Variants in DLG2 observed in about 807,000 individuals in gnomAD.
DLG2 encodes discs large MAGUK scaffold protein 2.
DLG2 carries 45 observed loss-of-function variants against 132.5 expected under a neutral mutation model. That is an observed-to-expected ratio of 0.34 (90% CI 0.27 to 0.44). The LOEUF is 0.44. Among genes scored for constraint, DLG2 ranks in the 20% least tolerant of loss-of-function variants. The pLI, the probability that DLG2 is intolerant of heterozygous loss-of-function variation, is 1.00. For missense variants in DLG2, 1,045 were observed against 1,196.9 expected (o/e 0.87, Z 1.87); for synonymous variants, 424 against 419.6 (o/e 1.01, Z -0.13).
chr11:85,572,296 TATA>T (rs1018624952), intron 3 of DLG2, among the ~76,000 whole-genome samples: 1 of 152,146 alleles, frequency 6.6e-6, no homozygotes, highest in African/African-American at 2.4e-5. Context: ...CATGGAAAAT[TATA>T]ATAACTATTG....
At chr11:84,338,595 C>G (rs933564784) in intron 7 of DLG2, among the ~76,000 whole-genome samples, 4 of 152,026 alleles carry the variant, frequency 2.6e-5, no homozygotes, top group Admixed American at 1.3e-4. Context: ...GAGGCCAAGG[C>G]GGGAGTATCA....
intron 3 of DLG2, among the ~76,000 whole-genome samples, chr11:85,396,970 T>C (rs546134463): frequency 3.9e-5 from 6 of 152,168 alleles, no homozygotes; most frequent in Non-Finnish European, 5.9e-5. Flanking sequence ...CCAAGACATA[T>C]AATTGTCAGA....
At chr11:85,085,458 T>A (rs2067793158) in intron 6 of DLG2, among the ~76,000 whole-genome samples, 1 of 152,122 alleles carries the variant, frequency 6.6e-6, no homozygotes, top group African/African-American at 2.4e-5. Flanking sequence ...GTTCATTATC[T>A]TTGTGTGTTT....
At chr11:84,125,817 A>C (rs1370022144) in intron 9 of DLG2, among the ~76,000 whole-genome samples, 1 of 152,226 alleles carries the variant, frequency 6.6e-6, no homozygotes, top group Non-Finnish European at 1.5e-5. Context: ...AGCCCTGATA[A>C]GAAATTTGAA....
At chr11:84,571,168 T>C (rs544822972) in intron 6 of DLG2, among the ~76,000 whole-genome samples, 1 of 152,264 alleles carries the variant, frequency 6.6e-6, no homozygotes, top group South Asian at 2.1e-4. Context: ...CTAAGAGGTA[T>C]GCTGTTTCTT....
intron 4 of DLG2, among the ~76,000 whole-genome samples, chr11:85,238,752 T>C (rs1021811160): frequency 6.6e-6 from 1 of 152,028 alleles, no homozygotes; most frequent in Non-Finnish European, 1.5e-5. Flanking sequence ...TTCAATAAGA[T>C]AGAAAAAAGT....
At chr11:84,984,720 A>C (rs896711498) in intron 6 of DLG2, among the ~76,000 whole-genome samples, 1 of 152,208 alleles carries the variant, frequency 6.6e-6, no homozygotes, top group African/African-American at 2.4e-5. Flanking sequence ...ATAAGAATTC[A>C]TTCTCTGCTG....
chr11:84,444,969 A>C (rs2099029096), intron 7 of DLG2, among the ~76,000 whole-genome samples: 1 of 152,022 alleles, frequency 6.6e-6, no homozygotes, highest in African/African-American at 2.4e-5. Flanking sequence ...CGCCGAGCTA[A>C]TTTTTGTATT....
intron 7 of DLG2, among the ~76,000 whole-genome samples, chr11:84,454,538 C>T: frequency 6.6e-6 from 1 of 151,010 alleles, no homozygotes; most frequent in Non-Finnish European, 1.5e-5. Flanking sequence ...AAAATTATAC[C>T]CAAATTTTAT....
intron 19 of DLG2, among the ~76,000 whole-genome samples, chr11:83,562,293 A>G (rs995683679): frequency 1.7e-4 from 26 of 152,182 alleles, no homozygotes; most frequent in African/African-American, 5.8e-4. Flanking sequence ...CTTAGAATCA[A>G]CACAAGCTTT....
At chr11:85,446,907 A>G (rs916907671) in intron 3 of DLG2, among the ~76,000 whole-genome samples, 2 of 152,158 alleles carry the variant, frequency 1.3e-5, no homozygotes, top group African/African-American at 4.8e-5. Context: ...AAAGCTTTGT[A>G]TATCAAAGAC....
At position 85,528,028 on chromosome 11, in the gene DLG2, ATTGT is replaced by A. The variant is rs200984786; in HGVS notation, c.40+70625_40+70628del. Among the ~76,000 whole-genome samples the A allele has an allele frequency of 3.9e-3, 587 of 151,662 alleles. 5 individuals are homozygous for A. The highest frequency in any genetic ancestry group is 0.013 in the African/African-American group (551 of 41,356). On this transcript the variant is annotated intron_variant, in intron 3 of 27. Transcript: ENST00000376104. ...TATCCTTTGCCCACTTTTTGATGGG[ATTGT>A]TTGTTTTTTTCTTGTAGATTTATTT...
At chr11:85,417,095 T>A (rs1181996105) in intron 3 of DLG2, among the ~76,000 whole-genome samples, 1 of 152,186 alleles carries the variant, frequency 6.6e-6, no homozygotes, top group Admixed American at 6.6e-5. Flanking sequence ...TAAATAGCTC[T>A]TATTATTTTG....
At chr11:84,324,703 G>T (rs1209053672) in intron 7 of DLG2, among the ~76,000 whole-genome samples, 3 of 152,042 alleles carry the variant, frequency 2.0e-5, no homozygotes, top group Middle Eastern at 3.4e-3. Flanking sequence ...ATTCCTTTCA[G>T]CAATATTTGG....
At chr11:84,633,103 T>C (rs972509616) in intron 6 of DLG2, among the ~76,000 whole-genome samples, 2 of 152,226 alleles carry the variant, frequency 1.3e-5, no homozygotes, top group African/African-American at 2.4e-5. Flanking sequence ...TATATTAATG[T>C]AGCCATTTAG....
intron 6 of DLG2, among the ~76,000 whole-genome samples, chr11:84,581,683 C>T (rs1011696498): frequency 3.3e-5 from 5 of 151,678 alleles, no homozygotes; most frequent in African/African-American, 9.7e-5. Context: ...CCGAGGTGGG[C>T]GGATCACAAG....
At chr11:83,818,564 T>A (rs1175969506) in intron 17 of DLG2, among the ~76,000 whole-genome samples, 1 of 152,112 alleles carries the variant, frequency 6.6e-6, no homozygotes, top group Admixed American at 6.6e-5. Flanking sequence ...CAAGGTGACA[T>A]AAACACAGAA....
At chr11:84,827,200 G>T (rs1566071124) in intron 6 of DLG2, among the ~76,000 whole-genome samples, 1 of 151,638 alleles carries the variant, frequency 6.6e-6, no homozygotes, top group Non-Finnish European at 1.5e-5. Context: ...GTAAGTGATG[G>T]GGTCAACATT....
intron 3 of DLG2, among the ~76,000 whole-genome samples, chr11:85,425,523 GA>G (rs964513186): frequency 3.3e-5 from 5 of 151,592 alleles, no homozygotes; most frequent in South Asian, 2.1e-4. Flanking sequence ...ACTTTAAATT[GA>G]AAAAAAACTT....
Sources: gnomAD v4.1 joint callset for allele counts (sites outside exome capture counted in the v4.1 genomes callset) on GRCh38, gnomAD v4.1.1 for gene constraint, MANE v1.5 for transcripts, NCBI Gene and HGNC (gene_info 2026-07-23, HGNC 2026-07-21) for gene names.